PSAP: variants seen among roughly 807,000 people sequenced by gnomAD.
PSAP encodes the protein prosaposin.
Under a neutral mutation model 66.0 loss-of-function variants are expected in PSAP, and 25 were observed. That is an observed-to-expected ratio of 0.38 (90% CI 0.28 to 0.53). The LOEUF is 0.53. Among genes scored for constraint, PSAP ranks in the 20% least tolerant of loss-of-function variants. The pLI is 0.83. For synonymous variants in PSAP, 273 were observed against 258.9 expected (o/e 1.05, Z -0.52); for missense variants, 649 against 668.8 (o/e 0.97, Z 0.33).
In PSAP at chr10:71,821,881, T is replaced by C. The variant is rs1377512531; in HGVS notation, c.904A>G (p.Ile302Val). Residue 302 changes from isoleucine (I) to valine (V), a missense_variant, in exon 8 of 14, where the codon ATT becomes GTT. Transcript: ENST00000394936. The stretch of plus-strand genomic sequence containing the variant: ...CACAAAGTGACACCAGGTACCTTAA[T>C]GGGCTCCACCAGTTCCAGGGCAGGG... The part of the protein sequence containing the change: ...VIPALELVEP[I>V]KKHEVPAKSD... 6.2e-7 allele frequency: 1 copy of C among 1,614,090 alleles called. No individual in the cohort carries two copies. Among genetic ancestry groups the C allele is most frequent in the African/African-American group, 1.3e-5 (1 of 74,932 alleles).
chr10:71,838,595 A>G (rs567783864), intron 1 of PSAP, among the ~76,000 whole-genome samples: 1 of 152,334 alleles, frequency 6.6e-6, no homozygotes, highest in South Asian at 2.1e-4. Flanking sequence ...GGGCATAAAA[A>G]GAGAACGGAT....
At chr10:71,829,665 G>C (rs1842472863) in intron 4 of PSAP, among the ~76,000 whole-genome samples, 1 of 152,024 alleles carries the variant, frequency 6.6e-6, no homozygotes, top group Admixed American at 6.6e-5. Flanking sequence ...GACTAATACA[G>C]GCTTCCTAAA....
At chr10:71,835,517 A>G (rs1039282875) in intron 1 of PSAP, among the ~76,000 whole-genome samples, 3 of 151,416 alleles carry the variant, frequency 2.0e-5, no homozygotes, top group African/African-American at 7.3e-5. Context: ...GGTTGTAGTG[A>G]GCCGAGATCT....
At chr10:71,829,139 A>G in intron 4 of PSAP, 62 bp from the exon 5 acceptor site, 1 of 1,468,106 alleles carries the variant, frequency 6.8e-7, no homozygotes, top group Non-Finnish European at 9.5e-7. Flanking sequence ...AAGACAGGCC[A>G]TCTAGTGCCT....
chr10:71,816,384 C>G lies in PSAP; in HGVS notation c.*1057G>C. On this transcript the variant is annotated 3_prime_UTR_variant, in exon 14 of 14. Transcript: ENST00000394936. ...AGTCCATTTAATAGCAACTTCATGT[C>G]CTGCTGGCTTTGCTTGCTGTCTCCT... The G allele has an allele frequency of 2.1e-6, 1 of 471,034 alleles. No individual in the cohort carries two copies. Among genetic ancestry groups the G allele is most frequent in the Non-Finnish European group, 4.4e-6 (1 of 226,906 alleles). 29.2% of individuals were successfully genotyped at this position (471,034 alleles called of 1,614,324 possible). A position where few individuals can be genotyped will look rare whatever the true frequency, so the allele number is the denominator to read the frequency against.
chr10:71,846,122 T>C (rs1248082737), intron 1 of PSAP, among the ~76,000 whole-genome samples: 4 of 152,132 alleles, frequency 2.6e-5, no homozygotes, highest in Admixed American at 2.0e-4. Flanking sequence ...CTTTTCTGTA[T>C]TAACCTAATT....
chr10:71,831,327 C>A, intron 3 of PSAP, 76 bp from the exon 4 acceptor site: 1 of 1,572,848 alleles, frequency 6.4e-7, no homozygotes, highest in East Asian at 2.3e-5. Context: ...GCAAGAGGCC[C>A]TCAATAGCTC....
At chr10:71,840,938 A>C (rs1409026071) in intron 1 of PSAP, among the ~76,000 whole-genome samples, 2 of 152,254 alleles carry the variant, frequency 1.3e-5, no homozygotes, top group Non-Finnish European at 2.9e-5. Flanking sequence ...AGTTCATTCA[A>C]GGGTACTGTA....
Position 71,817,294 on chromosome 10 carries a change from G to T in PSAP, c.*147C>A. 1 of 896,866 alleles carries T rather than the reference G, an allele frequency of 1.1e-6. No individual in the cohort carries two copies. The highest frequency in any genetic ancestry group is 1.9e-6 in the Non-Finnish European group (1 of 536,026). 55.6% of individuals were successfully genotyped at this position (896,866 alleles called of 1,614,324 possible). On this transcript the variant is annotated 3_prime_UTR_variant, in exon 14 of 14. Transcript: ENST00000394936. ...TAGGGGCTCCCTTGCAGACAGCAATGCTACAATAAAGGACACAGAAATGGG... is the reference window on the plus strand; with the variant it reads ...TAGGGGCTCCCTTGCAGACAGCAATTCTACAATAAAGGACACAGAAATGGG...
intron 9 of PSAP, 48 bp downstream of exon 9, chr10:71,820,192 G>T (rs1765395579): frequency 6.6e-7 from 1 of 1,509,600 alleles, no homozygotes; most frequent in Non-Finnish European, 9.2e-7. Flanking sequence ...GGACATTCAG[G>T]CTCGGGGGGG....
At chr10:71,824,396 G>A (rs914721341) in intron 7 of PSAP, among the ~76,000 whole-genome samples, 4 of 152,218 alleles carry the variant, frequency 2.6e-5, no homozygotes, top group Admixed American at 2.0e-4. Context: ...CCAAATGGCA[G>A]CCTGGAAGGC....
At chr10:71,841,549 T>C (rs1050701669) in intron 1 of PSAP, among the ~76,000 whole-genome samples, 5 of 152,154 alleles carry the variant, frequency 3.3e-5, no homozygotes, top group African/African-American at 1.2e-4. Flanking sequence ...AGGGCTGTTA[T>C]GAGAATTAAA....
chr10:71,840,779 C>T (rs954828702), intron 1 of PSAP, among the ~76,000 whole-genome samples: 2 of 152,088 alleles, frequency 1.3e-5, no homozygotes, highest in African/African-American at 2.4e-5. Context: ...CCAGATGATT[C>T]CAGGGCAGGA....
In PSAP at chr10:71,819,115, T is replaced by C; in HGVS notation, c.1351-4A>G. The C allele has an allele frequency of 1.2e-6, 2 of 1,613,254 alleles. No individual in the cohort carries two copies. Among genetic ancestry groups the C allele is most frequent in the South Asian group, 1.1e-5 (1 of 91,008 alleles). On this transcript the variant is annotated splice_polypyrimidine_tract_variant and splice_region_variant and intron_variant, in intron 11 of 13. Coordinates refer to ENST00000394936, the MANE Select transcript of PSAP (RefSeq NM_002778.4). ...ACTCTGCCACAAACTGATCACACTA[T>C]AAAGGAAAGTGGGGACACAGGTCCA... is the stretch of plus-strand genomic sequence containing the variant.
Position 71,833,030 on chromosome 10 carries a change from AAC to A in PSAP, c.175-1112_175-1111del, listed in dbSNP as rs1386256858. On this transcript the variant is annotated intron_variant, in intron 2 of 13. Coordinates refer to ENST00000394936, the MANE Select transcript of PSAP (RefSeq NM_002778.4). ...AGAGTCCATCTCAAAAAAAAAAAAA[AAC>A]AAAAAACAAAAACAGAAGGCCGGGC... 9.5e-5 allele frequency among the ~76,000 whole-genome samples: 12 copies of A among 125,832 alleles called. 1 individual carries two copies. The highest frequency in any genetic ancestry group is 4.9e-4 in the African/African-American group (12 of 24,296). 82.6% of individuals were successfully genotyped at this position (125,832 alleles called of 152,430 possible). A position where few individuals can be genotyped will look rare whatever the true frequency, so the allele number is the denominator to read the frequency against.
chr10:71,825,969 G>C (rs771483208), intron 6 of PSAP, 76 bp from the exon 7 acceptor site: 10 of 1,291,204 alleles, frequency 7.7e-6, no homozygotes, highest in Non-Finnish European at 1.1e-5. Flanking sequence ...AAACCCCCCA[G>C]CATTTCCAAC....
rs768320558 is a variant in PSAP at position 71,828,928 on chromosome 10, G to A, written c.525C>T (p.Ile175=). The A allele has an allele frequency of 8.7e-6, 14 of 1,614,146 alleles. 1 individual carries two copies. The highest frequency in any genetic ancestry group is 1.2e-5 in the Non-Finnish European group (14 of 1,180,022). Residue 175 remains isoleucine, a synonymous_variant, in exon 5 of 14, where the codon ATC becomes ATT. Transcript: ENST00000394936. ...TEVVAPFMAN[I]PLLLYPQDGP... is the part of the protein sequence containing the mutation. ...CGTCCTGAGGGTAGAGGAGGAGAGG[G>A]ATGTTGGCCATGAAGGGGGCCACCA...
intron 8 of PSAP, 73 bp downstream of exon 8, chr10:71,821,803 A>T (rs2070968): frequency 0.19 from 308,401 of 1,597,538 alleles, 30,484 homozygotes; most frequent in East Asian, 0.27. Context: ...GACTCGTAAG[A>T]TGTGATGTGA....
chr10:71,817,310 C>T lies in PSAP; in HGVS notation c.*131G>A, dbSNP rs1589444635. The T allele has an allele frequency of 9.9e-7, 1 of 1,007,234 alleles. No homozygotes were observed. The highest frequency in any genetic ancestry group is 1.6e-6 in the Non-Finnish European group (1 of 632,904). The allele number at this position is 1,007,234 out of a possible 1,614,324, so 62.4% of individuals were successfully genotyped here. A position where few individuals can be genotyped will look rare whatever the true frequency, so the allele number is the denominator to read the frequency against. ...GACAGCAATGCTACAATAAAGGACACAGAAATGGGGGAGGTGGGGGAGCCC... is the reference window on the plus strand; with the variant it reads ...GACAGCAATGCTACAATAAAGGACATAGAAATGGGGGAGGTGGGGGAGCCC... On this transcript the variant is annotated 3_prime_UTR_variant, in exon 14 of 14. Transcript: ENST00000394936.
Sources: allele counts gnomAD v4.1 joint callset (sites outside exome capture counted in the v4.1 genomes callset), GRCh38; gene constraint gnomAD v4.1.1; transcripts MANE v1.5; gene names NCBI Gene and HGNC (gene_info 2026-07-23, HGNC 2026-07-21).